VWA5B2: variants seen among roughly 807,000 people sequenced by gnomAD.
The protein encoded by VWA5B2 is von Willebrand factor A domain containing 5B2.
Under a neutral mutation model 118.5 loss-of-function variants are expected in VWA5B2, and 93 were observed. That is an observed-to-expected ratio of 0.79 (90% CI 0.66 to 0.93). The LOEUF is 0.93. VWA5B2 is among the 40% of genes least tolerant of loss of function. VWA5B2 has a pLI of 0.00. For synonymous variants in VWA5B2, 708 were observed against 716.3 expected (o/e 0.99, Z 0.19); for missense variants, 1,546 against 1,672.8 (o/e 0.92, Z 1.32).
In VWA5B2 at chr3:184,236,188, C is replaced by T; in HGVS notation, c.1138C>T (p.Gln380Ter). Residue 380 changes from glutamine (Q) to a stop codon, truncating the protein, a stop_gained, in exon 9 of 20, where the codon CAG becomes TAG. Coordinates refer to ENST00000691901, the MANE Select transcript of VWA5B2 (RefSeq NM_001390846.1). LOFTEE classifies it high-confidence loss of function. Reference sequence around the variant, plus strand: ...TTTGGCTGTGAAGTCCCTCCCGCCCCAGACGCTTATCAACCTGGCCGTGTT... The same window carrying T: ...TTTGGCTGTGAAGTCCCTCCCGCCCTAGACGCTTATCAACCTGGCCGTGTT... The part of the protein sequence containing the change: ...IVLAVKSLPP[Q>*]TLINLAVFGT... 6.4e-7 allele frequency: 1 copy of T among 1,551,752 alleles called. No individual in the cohort carries two copies. The highest frequency in any genetic ancestry group is 8.7e-7 in the Non-Finnish European group (1 of 1,147,002).
Position 184,241,651 on chromosome 3 carries a change from T to A in VWA5B2, c.3342T>A (p.Pro1114=). ...SASLPWALLG[P]GVGQGDSATA... is the part of the protein sequence containing the mutation. ...CATTGCCCTGGGCACTTCTGGGCCC[T>A]GGTGTTGGCCAGGGTGACAGTGCCA... The change falls in exon 20 of 20, where the codon CCT becomes CCA. Residue 1114 remains proline (P), a synonymous_variant. Transcript: ENST00000691901. The surrounding 1 kb of genome is among the most constrained non-coding windows in gnomAD (Gnocchi z 5.1). 2.0e-6 allele frequency: 3 copies of A among 1,537,450 alleles called. No homozygotes were observed. Among genetic ancestry groups the A allele is most frequent in the Non-Finnish European group, 2.6e-6 (3 of 1,145,188 alleles).
chr3:184,233,078 C>T lies in VWA5B2; in HGVS notation c.311-100C>T. On this transcript the variant is annotated intron_variant, in intron 3 of 19. Transcript: ENST00000691901. This position sits in a 1 kb window ranked among gnomAD's most constrained non-coding sequence, Gnocchi z 5.2. ...GCCTAGTGCCAACACGCAAAGTCCC[C>T]CTTGCCCAGGCTCCCTGACCCAATG... 1.8e-6 allele frequency: 2 copies of T among 1,115,486 alleles called. No individual in the cohort carries two copies. Among genetic ancestry groups the T allele is most frequent in the East Asian group, 5.2e-5 (2 of 38,528 alleles). The allele number at this position is 1,115,486 out of a possible 1,614,324, so 69.1% of individuals were successfully genotyped here.
chr3:184,234,648 C>G lies in VWA5B2; in HGVS notation c.838C>G (p.Leu280Val), dbSNP rs1304355833. 1 of 1,551,380 alleles carries G rather than the reference C, an allele frequency of 6.4e-7. No homozygotes were observed. The highest frequency in any genetic ancestry group is 1.2e-5 in the South Asian group (1 of 84,058). ...LHPSEPHQPHLMLEGGSLSSA... is the reference protein window; with the variant it reads ...LHPSEPHQPHVMLEGGSLSSA... ...CCTCTCAGAGCCCCATCAGCCACAC[C>G]TGATGCTGGAGGGCGGCAGCCTGAG... is the stretch of plus-strand genomic sequence containing the variant. Residue 280 changes from leucine to valine, a missense_variant, in exon 7 of 20, where the codon CTG (leucine) becomes GTG (valine). Transcript: ENST00000691901.
chr3:184,234,846 G>C lies in VWA5B2; in HGVS notation c.945+91G>C, dbSNP rs1577088587. ...GCAGGCTTACATTGGAATGGGTGCG[G>C]GGAGGCCTCTTTTCTCGGTAAGATC... On this transcript the variant is annotated intron_variant, in intron 7 of 19. Transcript: ENST00000691901. 26 of 1,509,114 alleles carry C rather than the reference G, an allele frequency of 1.7e-5. No individual in the cohort carries two copies. The South Asian group carries it at 3.3e-4, about 19-fold the overall frequency. The allele number at this position is 1,509,114 out of a possible 1,614,324, so 93.5% of individuals were successfully genotyped here. A position where few individuals can be genotyped will look rare whatever the true frequency, so the allele number is the denominator to read the frequency against.
chr3:184,238,710 C>T lies in VWA5B2; in HGVS notation c.2039C>T (p.Ser680Phe), dbSNP rs556626327. ...CSASPEPGPG[S>F]TGSSESPGSQ... The stretch of plus-strand genomic sequence containing the variant: ...GCCAGCCCCGAGCCAGGCCCAGGCT[C>T]CACAGGCAGCAGTGAGTCCCCAGGC... The change falls in exon 14 of 20, where the codon TCC (serine) becomes TTC (phenylalanine). Residue 680 changes from serine to phenylalanine, a missense_variant. Transcript: ENST00000691901. The surrounding 1 kb of genome is among the most constrained non-coding windows in gnomAD (Gnocchi z 5.0). 26 of 1,551,216 alleles carry T rather than the reference C, an allele frequency of 1.7e-5. No individual in the cohort carries two copies. The African/African-American group carries it at 2.5e-4, about 15-fold the overall frequency.
At chr3:184,234,860 C>G in intron 7 of VWA5B2, 105 bp downstream of exon 7, 1 of 1,478,064 alleles carries the variant, frequency 6.8e-7, no homozygotes, top group Non-Finnish European at 9.0e-7. Flanking sequence ...GGCCTCTTTT[C>G]TCGGTAAGAT....
At position 184,238,997 on chromosome 3, in the gene VWA5B2, CCAA is replaced by C. The variant is rs1287350033; in HGVS notation, c.2202+126_2202+128del. ...GCTAGAGAGAAAGGTGGGTAAATCCCCAACGATACCATGTAACAACCAGTGATG... is the reference window on the plus strand; with the variant it reads ...GCTAGAGAGAAAGGTGGGTAAATCCCCGATACCATGTAACAACCAGTGATG... On this transcript the variant is annotated intron_variant, in intron 14 of 19. Coordinates refer to ENST00000691901, the MANE Select transcript of VWA5B2 (RefSeq NM_001390846.1). This position sits in a 1 kb window ranked among gnomAD's most constrained non-coding sequence, Gnocchi z 5.0. The C allele has an allele frequency of 9.5e-7, 1 of 1,050,030 alleles. No homozygotes were observed. The highest frequency in any genetic ancestry group is 1.3e-6 in the Non-Finnish European group (1 of 742,348). The allele number at this position is 1,050,030 out of a possible 1,614,324, so 65.0% of individuals were successfully genotyped here.
rs1331136969 is a variant in VWA5B2 at position 184,241,470 on chromosome 3, C to A, written c.3181-20C>A. The A allele has an allele frequency of 6.4e-7, 1 of 1,552,030 alleles. No individual in the cohort carries two copies. Among genetic ancestry groups the A allele is most frequent in the South Asian group, 1.2e-5 (1 of 83,732 alleles). On this transcript the variant is annotated intron_variant, in intron 19 of 19. Coordinates refer to ENST00000691901, the MANE Select transcript of VWA5B2 (RefSeq NM_001390846.1). This position sits in a 1 kb window ranked among gnomAD's most constrained non-coding sequence, Gnocchi z 5.1. Reference sequence around the variant, plus strand: ...GGCGCTGTTTCAGCTCGCTTCTCCCCCCACCTCCTCTCTCCTCAGGTGCGG... The same window carrying A: ...GGCGCTGTTTCAGCTCGCTTCTCCCACCACCTCCTCTCTCCTCAGGTGCGG...
intron 9 of VWA5B2, 35 bp from the exon 10 acceptor site, chr3:184,236,308 C>T: frequency 3.2e-6 from 5 of 1,551,024 alleles, no homozygotes; most frequent in Non-Finnish European, 4.4e-6. Context: ...GAGGTTTCAG[C>T]CCAGTGCGTC....
intron 3 of VWA5B2, 110 bp downstream of exon 3, chr3:184,231,027 G>A: frequency 8.4e-7 from 1 of 1,187,664 alleles, no homozygotes; most frequent in South Asian, 4.3e-5. Flanking sequence ...ACTGCCTTGT[G>A]CATTCATTGG....
At position 184,239,839 on chromosome 3, in the gene VWA5B2, G is replaced by T; in HGVS notation, c.2543G>T (p.Gly848Val). ...RCHVVIRGLC[G>V]EQPMCWEVGV... is the part of the protein sequence containing the mutation. ...CATGTGGTGATCCGGGGCCTGTGTGGGGAGCAGCCCATGTGCTGGGAGGTG... is the reference window on the plus strand; with the variant it reads ...CATGTGGTGATCCGGGGCCTGTGTGTGGAGCAGCCCATGTGCTGGGAGGTG... The change falls in exon 16 of 20, where the codon GGG becomes GTG. Residue 848 changes from glycine to valine, a missense_variant. Physicochemically the swap from Gly to Val is moderately radical, Grantham distance 109. This residue lies in a region of VWA5B2 where 763 missense variants were observed against 766.6 expected (regional missense o/e 1.00). Coordinates refer to ENST00000691901, the MANE Select transcript of VWA5B2 (RefSeq NM_001390846.1). The surrounding 1 kb of genome is among the most constrained non-coding windows in gnomAD (Gnocchi z 5.1). 1 of 1,551,588 alleles carries T rather than the reference G, an allele frequency of 6.4e-7. No homozygotes were observed. The highest frequency in any genetic ancestry group is 1.2e-5 in the South Asian group (1 of 84,054).
rs186251501 is a variant in VWA5B2 at position 184,238,756 on chromosome 3, C to G, written c.2085C>G (p.Pro695=). ...ESPGSQGPGS[P]EGSAPLEPPS... ...CAGGCTCACAGGGCCCTGGCTCCCC[C>G]GAAGGTAGTGCTCCCTTGGAGCCCC... The change falls in exon 14 of 20, where the codon CCC becomes CCG. Residue 695 remains proline, a synonymous_variant. Transcript: ENST00000691901. The surrounding 1 kb of genome is among the most constrained non-coding windows in gnomAD (Gnocchi z 5.0). The G allele has an allele frequency of 6.4e-7, 1 of 1,550,760 alleles. No homozygotes were observed. The highest frequency in any genetic ancestry group is 2.0e-5 in the Admixed American group (1 of 50,994).
chr3:184,240,728 T>C, intron 16 of VWA5B2, 63 bp from the exon 17 acceptor site: 2 of 1,525,452 alleles, frequency 1.3e-6, no homozygotes, highest in Non-Finnish European at 1.8e-6. Context: ...TGCAATTTTT[T>C]CTATGAGCCC....
Position 184,241,943 on chromosome 3 carries a change from C to G in VWA5B2, c.3634C>G (p.Leu1212Val), listed in dbSNP as rs1174624542. 4 of 1,549,346 alleles carry G rather than the reference C, an allele frequency of 2.6e-6. No individual in the cohort carries two copies. The highest frequency in any genetic ancestry group is 1.4e-5 in the African/African-American group (1 of 73,112). ...HLPDGLDLAA[L>V]KAAARGLFLL... ...GCCTGACGGCCTTGACCTGGCCGCC[C>G]TCAAGGCCGCAGCCCGAGGGCTCTT... Residue 1212 changes from leucine (L) to valine (V), a missense_variant, in exon 20 of 20, where the codon CTC becomes GTC. This residue lies in a region of VWA5B2 where 763 missense variants were observed against 766.6 expected (regional missense o/e 1.00). Coordinates refer to ENST00000691901, the MANE Select transcript of VWA5B2 (RefSeq NM_001390846.1). The surrounding 1 kb of genome is among the most constrained non-coding windows in gnomAD (Gnocchi z 5.1).
chr3:184,237,242 G>T lies in VWA5B2; in HGVS notation c.1550G>T (p.Arg517Leu), dbSNP rs760764183. The change falls in exon 12 of 20, where the codon CGG becomes CTG. Residue 517 changes from arginine (R) to leucine (L), a missense_variant. By Grantham distance (102) the Arg-to-Leu change is moderately radical. Coordinates refer to ENST00000691901, the MANE Select transcript of VWA5B2 (RefSeq NM_001390846.1). This position sits in a 1 kb window ranked among gnomAD's most constrained non-coding sequence, Gnocchi z 5.6. ...RLQPMLVQAL[R>L]KALEPALSDI... ...TCCCCACAGCTGGTACAGGCTCTGC[G>T]GAAGGCACTGGAGCCTGCTTTGAGT... 5 of 1,551,426 alleles carry T rather than the reference G, an allele frequency of 3.2e-6. No individual in the cohort carries two copies. In the South Asian group the frequency reaches 5.9e-5, roughly 18 times the overall value.
chr3:184,230,920 G>A lies in VWA5B2; in HGVS notation c.310+3G>A. 8.2e-7 allele frequency: 1 copy of A among 1,214,152 alleles called. No homozygotes were observed. Among genetic ancestry groups the A allele is most frequent in the South Asian group, 4.0e-5 (1 of 24,892 alleles). The allele number at this position is 1,214,152 out of a possible 1,614,324, so 75.2% of individuals were successfully genotyped here. ...GACGCCCCGCCGCTGCGCGCAGGGT[G>A]AGTTCCGCGCGCCCGCACCCGCGCT... On this transcript the variant is annotated splice_donor_region_variant and intron_variant, in intron 3 of 19. Transcript: ENST00000691901.
At chr3:184,230,277 C>T (rs1353276451) in intron 1 of VWA5B2, among the ~76,000 whole-genome samples, 103 bp from the exon 2 acceptor site, 1 of 152,184 alleles carries the variant, frequency 6.6e-6, no homozygotes, top group Non-Finnish European at 1.5e-5. Flanking sequence ...GCGCGTTAAT[C>T]ATTAACCCTC....
At position 184,233,526 on chromosome 3, in the gene VWA5B2, T is replaced by G. The variant is rs1577086826; in HGVS notation, c.531-50T>G. ...GGGCTGGGGCCAGTCAGCCGGAGGGTTTAGGGGCCTTCACAGTGGCCCAGT... is the reference window on the plus strand; with the variant it reads ...GGGCTGGGGCCAGTCAGCCGGAGGGGTTAGGGGCCTTCACAGTGGCCCAGT... On this transcript the variant is annotated intron_variant, in intron 4 of 19. Coordinates refer to ENST00000691901, the MANE Select transcript of VWA5B2 (RefSeq NM_001390846.1). This position sits in a 1 kb window ranked among gnomAD's most constrained non-coding sequence, Gnocchi z 5.2. 5.2e-6 allele frequency: 8 copies of G among 1,537,262 alleles called. No homozygotes were observed. The highest frequency in any genetic ancestry group is 7.0e-6 in the Non-Finnish European group (8 of 1,140,018).
Position 184,238,632 on chromosome 3 carries a change from G to T in VWA5B2, c.1961G>T (p.Arg654Leu). ...CCCTCTGACACAGCCATATGGCGCC[G>T]CATCTTTCAGTCCTCGTACATTCGG... Reference protein sequence around the residue: ...PNPSDTAIWRRIFQSSYIREQ... With the variant: ...PNPSDTAIWRLIFQSSYIREQ... The change falls in exon 14 of 20, where the codon CGC (arginine) becomes CTC (leucine). Residue 654 changes from arginine to leucine, a missense_variant. Arg to Leu is a moderately radical substitution (Grantham distance 102). This residue lies in a region of VWA5B2 where 775 missense variants were observed against 882.3 expected (regional missense o/e 0.88). Transcript: ENST00000691901. The surrounding 1 kb of genome is among the most constrained non-coding windows in gnomAD (Gnocchi z 5.0). The T allele has an allele frequency of 5.8e-6, 9 of 1,551,938 alleles. No homozygotes were observed. The highest frequency in any genetic ancestry group is 7.8e-6 in the Non-Finnish European group (9 of 1,147,088).
Sources: allele counts gnomAD v4.1 joint callset (sites outside exome capture counted in the v4.1 genomes callset), GRCh38; gene constraint gnomAD v4.1.1; regional missense constraint gnomAD v4.1.1; non-coding constraint Gnocchi (gnomAD v3.1); transcripts MANE v1.5; gene names NCBI Gene and HGNC (gene_info 2026-07-23, HGNC 2026-07-21).